CGAS: variants seen among roughly 807,000 people sequenced by gnomAD.
The protein encoded by CGAS is 2'3'-cGAMP synthase.
In CGAS, 31 loss-of-function variants were observed where a neutral mutation model predicts 34.0. The ratio of observed to expected loss-of-function variants is 0.91; its 90% CI spans 0.69 to 1.23. The LOEUF is 1.23. CGAS is among the 50% of genes most tolerant of loss of function. The pLI is 0.00. For missense variants in CGAS, 597 were observed against 657.6 expected (o/e 0.91, Z 1.01); for synonymous variants, 266 against 260.0 (o/e 1.02, Z -0.22).
intron 1 of CGAS, among the ~76,000 whole-genome samples, chr6:73,449,858 G>C (rs1481602584): frequency 2.6e-5 from 4 of 151,888 alleles, no homozygotes; most frequent in African/African-American, 7.2e-5. Flanking sequence ...AGCCGGGAGT[G>C]GGGGCAGGCA....
Position 73,440,340 on chromosome 6 carries a change from C to G in CGAS, c.983G>C (p.Ser328Thr). 1 of 1,614,162 alleles carries G rather than the reference C, an allele frequency of 6.2e-7. No individual in the cohort carries two copies. The highest frequency in any genetic ancestry group is 8.5e-7 in the Non-Finnish European group (1 of 1,180,038). ...TTCTTGGGTGCTAGCAGGCCAGCTA[C>G]TTTTTGATTCCAAAGCCAGGGTTAT... Reference protein sequence around the residue: ...VDITLALESKSSWPASTQEGL... With the variant: ...VDITLALESKTSWPASTQEGL... Residue 328 changes from serine (S) to threonine (T), a missense_variant, in exon 3 of 5, where the codon AGT becomes ACT. Physicochemically the swap from Ser to Thr is moderately conservative, Grantham distance 58. This residue lies in a region of CGAS where 271 missense variants were observed against 324.1 expected (regional missense o/e 0.84). Transcript: ENST00000370315.
intron 2 of CGAS, among the ~76,000 whole-genome samples, chr6:73,442,990 A>G (rs1296267116): frequency 6.6e-6 from 1 of 151,902 alleles, no homozygotes; most frequent in Non-Finnish European, 1.5e-5. Context: ...TTGGCCTCCC[A>G]AAGTGCTGAG....
chr6:73,445,283 G>C (rs888226280), intron 2 of CGAS, among the ~76,000 whole-genome samples: 1 of 151,348 alleles, frequency 6.6e-6, no homozygotes, highest in South Asian at 2.1e-4. Context: ...CTAATGTGTA[G>C]GTGTTCTAGT....
intron 1 of CGAS, 126 bp downstream of exon 1, chr6:73,451,399 G>T (rs931631560): frequency 1.4e-5 from 16 of 1,141,012 alleles, no homozygotes; most frequent in East Asian, 2.6e-5. Flanking sequence ...CTAGGCTACC[G>T]AAAAACATGC....
intron 1 of CGAS, 138 bp downstream of exon 1, chr6:73,451,387 G>T: frequency 2.0e-6 from 2 of 1,002,262 alleles, no homozygotes; most frequent in African/African-American, 1.6e-5. Flanking sequence ...GTTTTACTTA[G>T]ACTAGGCTAC....
intron 4 of CGAS, among the ~76,000 whole-genome samples, chr6:73,426,401 A>G (rs1770089481): frequency 6.6e-6 from 1 of 151,792 alleles, no homozygotes; most frequent in Admixed American, 6.6e-5. Context: ...AAATCTGATT[A>G]TGTTTTCAAA....
At position 73,425,243 on chromosome 6, in the gene CGAS, A is replaced by T; in HGVS notation, c.1553T>A (p.Val518Asp). ...AATACAATCTCAAAATTCATCAAAA[A>T]CTGGAAACTCATTGTTTCTTTCATA... is the stretch of plus-strand genomic sequence containing the variant. ...IEYERNNEFP[V>D]FDEF The change falls in exon 5 of 5, where the codon GTT (valine) becomes GAT (aspartate). Residue 518 changes from valine (V) to aspartate (D), a missense_variant. Physicochemically the swap from Val to Asp is radical, Grantham distance 152. Coordinates refer to ENST00000370315, the MANE Select transcript of CGAS (RefSeq NM_138441.3). 6.3e-7 allele frequency: 1 copy of T among 1,580,448 alleles called. No individual in the cohort carries two copies. Among genetic ancestry groups the T allele is most frequent in the Non-Finnish European group, 8.6e-7 (1 of 1,164,110 alleles).
rs746885325 is a variant in CGAS at position 73,425,412 on chromosome 6, G to C, written c.1384C>G (p.Leu462Val). ...TATGTCACGCAGTTATCAAAGCAGA[G>C]GCCCAGGTCTTTGCGGTCCCACTGA... ...DSQWDRKDLG[L>V]CFDNCVTYFL... Residue 462 changes from leucine to valine, a missense_variant, in exon 5 of 5, where the codon CTC (leucine) becomes GTC (valine). Leu to Val is a conservative substitution (Grantham distance 32). Around this residue, in one of 3 missense-constraint regions of CGAS, gnomAD observed 271 missense variants for 324.1 expected, o/e 0.84. Transcript: ENST00000370315. 131 of 1,613,890 alleles carry C rather than the reference G, an allele frequency of 8.1e-5. No homozygotes were observed. Among genetic ancestry groups the C allele is most frequent in the Non-Finnish European group, 1.1e-4 (129 of 1,180,030 alleles).
At chr6:73,440,024 A>G (rs1770348521) in intron 3 of CGAS, 185 bp downstream of exon 3, 1 of 565,762 alleles carries the variant, frequency 1.8e-6, no homozygotes, top group Admixed American at 3.4e-5. Flanking sequence ...TGAGTATTTG[A>G]TATTAATACT....
rs1770578888 is a variant in CGAS at position 73,451,958 on chromosome 6, C to G, written c.224G>C (p.Arg75Pro). 1 of 1,487,018 alleles carries G rather than the reference C, an allele frequency of 6.7e-7. No homozygotes were observed. The highest frequency in any genetic ancestry group is 9.0e-7 in the Non-Finnish European group (1 of 1,117,128). 92.1% of individuals were successfully genotyped at this position (1,487,018 alleles called of 1,614,324 possible). The change falls in exon 1 of 5, where the codon CGC becomes CCC. Residue 75 changes from arginine to proline, a missense_variant. Physicochemically the swap from Arg to Pro is moderately radical, Grantham distance 103 (BLOSUM62 -2). Around this residue, in one of 3 missense-constraint regions of CGAS, gnomAD observed 321 missense variants for 314.3 expected, o/e 1.02. Coordinates refer to ENST00000370315, the MANE Select transcript of CGAS (RefSeq NM_138441.3). ...APDTQERPPV[R>P]ATGARAKKAP... Reference sequence around the variant, plus strand: ...CTTTTTGGCGCGGGCCCCAGTTGCGCGGACGGGCGGCCTCTCCTGGGTGTC... The same window carrying G: ...CTTTTTGGCGCGGGCCCCAGTTGCGGGGACGGGCGGCCTCTCCTGGGTGTC...
At chr6:73,446,256 G>A (rs1454800639) in intron 1 of CGAS, among the ~76,000 whole-genome samples, 3 of 149,702 alleles carry the variant, frequency 2.0e-5, no homozygotes, top group Non-Finnish European at 4.4e-5. Context: ...CTTGAACCTA[G>A]AAGGCAGATG....
intron 3 of CGAS, among the ~76,000 whole-genome samples, chr6:73,430,929 C>G (rs552248557): frequency 6.6e-6 from 1 of 151,920 alleles, no homozygotes; most frequent in South Asian, 2.1e-4. Flanking sequence ...TGGCGAAACT[C>G]CGTCGCTACT....
intron 2 of CGAS, among the ~76,000 whole-genome samples, chr6:73,442,481 G>C: frequency 6.7e-6 from 1 of 149,954 alleles, no homozygotes. Flanking sequence ...GCTCACTGCA[G>C]CCTCAACCTC....
chr6:73,427,213 G>T (rs1166494583), intron 4 of CGAS, among the ~76,000 whole-genome samples: 2 of 151,426 alleles, frequency 1.3e-5, no homozygotes, highest in Non-Finnish European at 2.9e-5. Flanking sequence ...GAACCTCTGT[G>T]CCTGCATGTT....
chr6:73,428,887 C>T, intron 3 of CGAS, 76 bp from the exon 4 acceptor site: 1 of 1,322,362 alleles, frequency 7.6e-7, no homozygotes. Flanking sequence ...AGTGGTTTCC[C>T]TCATGAAAAT....
At chr6:73,431,426 G>C (rs1348099988) in intron 3 of CGAS, among the ~76,000 whole-genome samples, 1 of 151,986 alleles carries the variant, frequency 6.6e-6, no homozygotes, top group African/African-American at 2.4e-5. Flanking sequence ...AGCCAAGATC[G>C]GGCGATTGCA....
chr6:73,447,292 T>G (rs1230731726), intron 1 of CGAS, among the ~76,000 whole-genome samples: 1 of 147,226 alleles, frequency 6.8e-6, no homozygotes, highest in African/African-American at 2.5e-5. Context: ...CAGTTTTTTG[T>G]TTTTTTTTGA....
chr6:73,449,247 C>T (rs948499539), intron 1 of CGAS, among the ~76,000 whole-genome samples: 32 of 152,020 alleles, frequency 2.1e-4, no homozygotes, highest in African/African-American at 6.0e-4. Context: ...GAGGCCAAGG[C>T]GGGAAGATCA....
At chr6:73,442,840 G>A (rs553246098) in intron 2 of CGAS, among the ~76,000 whole-genome samples, 5 of 151,602 alleles carry the variant, frequency 3.3e-5, no homozygotes, top group African/African-American at 4.8e-5. Flanking sequence ...CTTGTGATCC[G>A]CCCACCTTGG....
Sources: gnomAD v4.1 joint callset for allele counts (sites outside exome capture counted in the v4.1 genomes callset) on GRCh38, gnomAD v4.1.1 for gene constraint, gnomAD v4.1.1 regional missense constraint, MANE v1.5 for transcripts, NCBI Gene and HGNC (gene_info 2026-07-23, HGNC 2026-07-21) for gene names.